KCNH1: variants seen among roughly 807,000 people sequenced by gnomAD.
The protein encoded by KCNH1 is potassium voltage-gated channel subfamily H member 1.
KCNH1 carries 27 observed loss-of-function variants against 69.2 expected under a neutral mutation model. The ratio of observed to expected loss-of-function variants is 0.39; its 90% CI spans 0.29 to 0.54. KCNH1 has a LOEUF of 0.54. Ranked by LOEUF, KCNH1 falls within the 20% of genes least tolerant of loss-of-function variation. KCNH1 has a pLI of 0.68. For missense variants in KCNH1, 798 were observed against 1,261.6 expected, an observed-to-expected ratio of 0.63 and a Z score of 5.57; for synonymous variants, 456 against 487.7, an observed-to-expected ratio of 0.93 and a Z score of 0.86.
In KCNH1 at chr1:210,686,576, G is replaced by A. The variant is rs999010533; in HGVS notation, c.2113-2438C>T. ...AATAGGAAGGAAGGTGGAATGGAGGGAAGGAATGCAGAAAAGGGGAAGGAG... is the reference window on the plus strand; with the variant it reads ...AATAGGAAGGAAGGTGGAATGGAGGAAAGGAATGCAGAAAAGGGGAAGGAG... On this transcript the variant is annotated intron_variant, in intron 10 of 10. Transcript: ENST00000271751. 6.6e-5 allele frequency among the ~76,000 whole-genome samples: 10 copies of A among 152,216 alleles called. No individual in the cohort carries two copies. The East Asian group carries it at 1.9e-3, about 29-fold the overall frequency.
chr1:211,071,882 T>C (rs1014102229), intron 5 of KCNH1, among the ~76,000 whole-genome samples: 1 of 151,902 alleles, frequency 6.6e-6, no homozygotes, highest in African/African-American at 2.4e-5. Context: ...TCAGAAACCA[T>C]GCAAGCAAGA....
At chr1:210,895,127 T>C (rs1371345022) in intron 7 of KCNH1, among the ~76,000 whole-genome samples, 1 of 151,984 alleles carries the variant, frequency 6.6e-6, no homozygotes, top group East Asian at 1.9e-4. Flanking sequence ...TATTGTTTTA[T>C]ATATTTTGTT....
chr1:210,886,342 G>A (rs1188273671), intron 7 of KCNH1, among the ~76,000 whole-genome samples: 3 of 152,034 alleles, frequency 2.0e-5, no homozygotes, highest in Non-Finnish European at 4.4e-5. Context: ...AGAAAGGAAT[G>A]GCAACAACAC....
intron 6 of KCNH1, among the ~76,000 whole-genome samples, chr1:210,995,711 G>C (rs1039980742): frequency 2.6e-5 from 4 of 152,160 alleles, no homozygotes; most frequent in Admixed American, 2.6e-4. Flanking sequence ...ACCCTAAGTA[G>C]TAAACATCAA....
chr1:210,828,045 G>A (rs12737929), intron 7 of KCNH1, among the ~76,000 whole-genome samples: 1 of 152,104 alleles, frequency 6.6e-6, no homozygotes, highest in Non-Finnish European at 1.5e-5. Flanking sequence ...GTTTCACCAT[G>A]TTGGCCAGGC....
intron 6 of KCNH1, among the ~76,000 whole-genome samples, chr1:210,948,598 G>C (rs555085394): frequency 5.3e-5 from 8 of 152,088 alleles, no homozygotes; most frequent in Non-Finnish European, 1.2e-4. Context: ...GGGAGGCTGA[G>C]GCGGGCGGAT....
intron 5 of KCNH1, among the ~76,000 whole-genome samples, chr1:211,026,884 C>CA (rs1259019196): frequency 6.6e-6 from 1 of 152,156 alleles, no homozygotes; most frequent in African/African-American, 2.4e-5. Context: ...AGAAGCACCC[C>CA]ACTCAGGTGT....
chr1:210,998,274 A>G (rs4642960), intron 6 of KCNH1, among the ~76,000 whole-genome samples: 117,489 of 152,130 alleles, frequency 0.77, 46,074 homozygotes, highest in African/African-American at 0.89. Flanking sequence ...CACATCTCAC[A>G]TGCAGAGACA....
intron 9 of KCNH1, among the ~76,000 whole-genome samples, chr1:210,790,749 A>G (rs1684197028): frequency 6.6e-6 from 1 of 152,188 alleles, no homozygotes; most frequent in African/African-American, 2.4e-5. Context: ...TGTAAGCCAT[A>G]GTTACCTACC....
At chr1:210,980,494 G>A (rs553099275) in intron 6 of KCNH1, among the ~76,000 whole-genome samples, 2 of 152,260 alleles carry the variant, frequency 1.3e-5, no homozygotes, top group South Asian at 2.1e-4. Context: ...GAGGTTATGA[G>A]GGTAAAAGCC....
At chr1:210,993,524 C>G (rs1688971232) in intron 6 of KCNH1, among the ~76,000 whole-genome samples, 1 of 152,178 alleles carries the variant, frequency 6.6e-6, no homozygotes, top group African/African-American at 2.4e-5. Flanking sequence ...TAACCAACAC[C>G]CTGAGATACA....
At chr1:210,699,293 A>G (rs1681717609) in intron 10 of KCNH1, among the ~76,000 whole-genome samples, 1 of 152,150 alleles carries the variant, frequency 6.6e-6, no homozygotes, top group Admixed American at 6.5e-5. Flanking sequence ...CTCATGTGTC[A>G]CTGATTCAAC....
chr1:210,859,459 C>T, intron 7 of KCNH1: 3 of 1,608,834 alleles, frequency 1.9e-6, no homozygotes, highest in Non-Finnish European at 1.7e-6. Context: ...TGTGGAATAG[C>T]CTTCCAGAGC....
At chr1:211,107,709 T>C (rs376652732) in intron 1 of KCNH1, among the ~76,000 whole-genome samples, 2 of 152,296 alleles carry the variant, frequency 1.3e-5, no homozygotes, top group East Asian at 3.9e-4. Context: ...CCAGTGAAGG[T>C]ATACCAATAT....
At chr1:210,930,521 AC>A (rs2102575073) in intron 6 of KCNH1, among the ~76,000 whole-genome samples, 1 of 152,356 alleles carries the variant, frequency 6.6e-6, no homozygotes, top group Non-Finnish European at 1.5e-5. Context: ...CTCACCTTAT[AC>A]AAAAATCAAC....
At chr1:210,920,128 C>G in intron 6 of KCNH1, 59 bp from the exon 7 acceptor site, 1 of 1,457,776 alleles carries the variant, frequency 6.9e-7, no homozygotes, top group Non-Finnish European at 9.4e-7. Flanking sequence ...CTCTCGTCCC[C>G]TCCGCCCCAC....
intron 6 of KCNH1, among the ~76,000 whole-genome samples, chr1:210,978,499 C>T (rs116757273): frequency 2.5e-4 from 38 of 152,210 alleles, no homozygotes; most frequent in African/African-American, 8.2e-4. Context: ...ATTACTGTTT[C>T]TTTGTAAGCC....
intron 10 of KCNH1, among the ~76,000 whole-genome samples, chr1:210,752,283 G>T (rs1437389055): frequency 6.6e-6 from 1 of 152,150 alleles, no homozygotes; most frequent in Non-Finnish European, 1.5e-5. Flanking sequence ...TATAATGAAG[G>T]AGAGTCCATA....
At chr1:210,804,206 T>C (rs765487248) in intron 7 of KCNH1, 40 bp from the exon 8 acceptor site, 1 of 1,537,180 alleles carries the variant, frequency 6.5e-7, no homozygotes, top group Non-Finnish European at 8.9e-7. Context: ...AAATAACAAG[T>C]TAGTGGTCCC....
Sources: gnomAD v4.1 joint callset for allele counts (sites outside exome capture counted in the v4.1 genomes callset) on GRCh38, gnomAD v4.1.1 for gene constraint, MANE v1.5 for transcripts, NCBI Gene and HGNC (gene_info 2026-07-23, HGNC 2026-07-21) for gene names.